NPHP4: variants seen among roughly 807,000 people sequenced by gnomAD.
NPHP4 encodes the protein nephrocystin 4.
Under a neutral mutation model 155.8 loss-of-function variants are expected in NPHP4, and 151 were observed. The ratio of observed to expected loss-of-function variants is 0.97; its 90% CI spans 0.85 to 1.11. The LOEUF is 1.11. Among genes scored for constraint, NPHP4 ranks in the 50% least tolerant of loss-of-function variants. The pLI is 0.00. For missense variants in NPHP4, 1,956 were observed against 1,925.7 expected (o/e 1.02, Z -0.29); for synonymous variants, 845 against 816.8 (o/e 1.03, Z -0.59).
In NPHP4 at chr1:5,865,097, C is replaced by G; in HGVS notation, c.3816+5G>C. 6.2e-7 allele frequency: 1 copy of G among 1,613,184 alleles called. No individual in the cohort carries two copies. The highest frequency in any genetic ancestry group is 1.1e-5 in the South Asian group (1 of 91,034). ...GGCTCAGAACAGCCCCCAGAGAGGCCGTACCTTCAGCTCCTGGGGATGAGA... is the reference window on the plus strand; with the variant it reads ...GGCTCAGAACAGCCCCCAGAGAGGCGGTACCTTCAGCTCCTGGGGATGAGA... On this transcript the variant is annotated splice_donor_5th_base_variant and intron_variant, in intron 27 of 29. Transcript: ENST00000378156.
At chr1:5,973,020 G>T (rs1570709164) in intron 3 of NPHP4, among the ~76,000 whole-genome samples, 1 of 152,166 alleles carries the variant, frequency 6.6e-6, no homozygotes, top group East Asian at 1.9e-4. Context: ...AAGTAGCTGG[G>T]ATTACGCGTG....
At position 5,901,046 on chromosome 1, in the gene NPHP4, A is replaced by C. The variant is rs187581687; in HGVS notation, c.2143+3571T>G. On this transcript the variant is annotated intron_variant, in intron 16 of 29. Transcript: ENST00000378156. ...TAAGATCCTGTCTCAAATAAAACCC[A>C]AAAAAAAACAAAAAAGAATATGTCA... Among the ~76,000 whole-genome samples, 579 of 150,114 alleles carry C rather than the reference A, an allele frequency of 3.9e-3. 1 individual carries two copies. The highest frequency in any genetic ancestry group is 0.013 in the African/African-American group (529 of 40,880).
chr1:5,863,441 C>CG (rs1640846981), intron 29 of NPHP4, 36 bp from the exon 30 acceptor site: 10 of 1,607,880 alleles, frequency 6.2e-6, no homozygotes, highest in Non-Finnish European at 8.5e-6. Flanking sequence ...CATCCACCCC[C>CG]GGGCTGTCCC....
chr1:5,925,258 A>G (rs1645938646), intron 11 of NPHP4, among the ~76,000 whole-genome samples: 1 of 152,196 alleles, frequency 6.6e-6, no homozygotes. Flanking sequence ...ATTATTCCCT[A>G]AACAGTACAA....
At chr1:5,932,758 C>T (rs751573281) in intron 10 of NPHP4, among the ~76,000 whole-genome samples, 72 of 152,128 alleles carry the variant, frequency 4.7e-4, no homozygotes, top group Non-Finnish European at 9.1e-4. Context: ...CAAAGATAAG[C>T]CAGGGCTAGA....
intron 11 of NPHP4, among the ~76,000 whole-genome samples, chr1:5,925,117 A>G (rs1425893722): frequency 1.3e-5 from 2 of 152,252 alleles, no homozygotes; most frequent in Non-Finnish European, 2.9e-5. Context: ...TAACTTAATC[A>G]AAAATCAGAG....
chr1:5,988,168 G>A (rs929623565), intron 1 of NPHP4, among the ~76,000 whole-genome samples: 2 of 152,226 alleles, frequency 1.3e-5, no homozygotes, highest in African/African-American at 2.4e-5. Flanking sequence ...GTCAGAGCAC[G>A]AAGAGTTCAT....
At chr1:5,915,320 G>A (rs1357232906) in intron 11 of NPHP4, among the ~76,000 whole-genome samples, 1 of 152,182 alleles carries the variant, frequency 6.6e-6, no homozygotes, top group Admixed American at 6.5e-5. Context: ...TAAAGATGCA[G>A]TCTCTGGGGT....
Position 5,867,568 on chromosome 1 carries a change from A to G in NPHP4, c.3472+172T>C. 1.5e-6 allele frequency: 1 copy of G among 686,182 alleles called. No homozygotes were observed. Among genetic ancestry groups the G allele is most frequent in the Non-Finnish European group, 2.4e-6 (1 of 415,068 alleles). 42.5% of individuals were successfully genotyped at this position (686,182 alleles called of 1,614,324 possible). ...ACCTAGTCATCTCAGAGGTGGCAAG[A>G]GGGACACCGTTTCAAACCATAAAGG... is the stretch of plus-strand genomic sequence containing the variant. On this transcript the variant is annotated intron_variant, in intron 24 of 29. Transcript: ENST00000378156. The surrounding 1 kb of genome is among the most constrained non-coding windows in gnomAD (Gnocchi z 4.1).
chr1:5,972,395 G>A (rs1652740786), intron 3 of NPHP4, among the ~76,000 whole-genome samples: 1 of 152,210 alleles, frequency 6.6e-6, no homozygotes, highest in Non-Finnish European at 1.5e-5. Context: ...GACAGGGACA[G>A]GGACAGCCCC....
At chr1:5,883,774 C>A (rs1643522917) in intron 18 of NPHP4, among the ~76,000 whole-genome samples, 1 of 152,226 alleles carries the variant, frequency 6.6e-6, no homozygotes, top group Non-Finnish European at 1.5e-5. Flanking sequence ...TCTGGTCCAC[C>A]CACATCTGAC....
chr1:5,898,236 C>T (rs962476447), intron 16 of NPHP4, among the ~76,000 whole-genome samples: 9 of 152,298 alleles, frequency 5.9e-5, no homozygotes, highest in African/African-American at 2.2e-4. Flanking sequence ...AAGCAAAAGG[C>T]CAGGACAGGA....
In NPHP4 at chr1:5,944,637, T is replaced by C. The variant is rs1022649273; in HGVS notation, c.1119+2467A>G. On this transcript the variant is annotated intron_variant, in intron 9 of 29. Coordinates refer to ENST00000378156, the MANE Select transcript of NPHP4 (RefSeq NM_015102.5). This position sits in a 1 kb window ranked among gnomAD's most constrained non-coding sequence, Gnocchi z 4.3. ...CGCACTTGATGACAGTAAAGTGGAA[T>C]CCAGTATTCCCAGTTACAATCGACC... Among the ~76,000 whole-genome samples, 7 of 152,262 alleles carry C rather than the reference T, an allele frequency of 4.6e-5. No individual in the cohort carries two copies. The highest frequency in any genetic ancestry group is 3.9e-4 in the Admixed American group (6 of 15,304).
rs186063624 is a variant in NPHP4, at chr1:5,987,999, A to G, written c.-38-1672T>C. ...CTTTCCTGATGAGAGGGGCAGTGAT[A>G]TAACGTGATCTTCTAAGGTTACACC... On this transcript the variant is annotated intron_variant, in intron 1 of 29. Transcript: ENST00000378156. Among the ~76,000 whole-genome samples, 4 of 152,368 alleles carry G rather than the reference A, an allele frequency of 2.6e-5. No individual in the cohort carries two copies. The East Asian group carries it at 7.7e-4, about 29-fold the overall frequency.
intron 5 of NPHP4, among the ~76,000 whole-genome samples, chr1:5,966,203 T>C (rs1478260338): frequency 6.6e-6 from 1 of 152,132 alleles, no homozygotes; most frequent in African/African-American, 2.4e-5. Context: ...TATCACGAGA[T>C]TGTCACCAAG....
intron 9 of NPHP4, among the ~76,000 whole-genome samples, chr1:5,946,184 C>A (rs1647087842): frequency 6.6e-6 from 1 of 152,088 alleles, no homozygotes; most frequent in South Asian, 2.1e-4. Flanking sequence ...GGAACAAACG[C>A]CCCATGGAAA....
rs1375115597 is a variant in NPHP4 at position 5,932,023 on chromosome 1, A to G, written c.1302+1124T>C. Among the ~76,000 whole-genome samples the G allele has an allele frequency of 3.3e-5, 5 of 152,174 alleles. No individual in the cohort carries two copies. The East Asian group carries it at 9.7e-4, about 29-fold the overall frequency. On this transcript the variant is annotated intron_variant, in intron 10 of 29. Transcript: ENST00000378156. ...TAGGAGTTCAAGGCTGCAGTGAACT[A>G]TGATCGTGCCACGCACTCCAGCCAG...
intron 18 of NPHP4, chr1:5,881,153 G>C (rs1643245205): frequency 6.6e-6 from 1 of 152,262 alleles, no homozygotes; most frequent in South Asian, 2.1e-4. Context: ...ACACTGGCCA[G>C]GTCCCTCCTT....
intron 19 of NPHP4, chr1:5,879,325 C>T (rs1487873692): frequency 5.8e-6 from 2 of 342,748 alleles, no homozygotes; most frequent in South Asian, 2.3e-5. Context: ...GTACTTTATA[C>T]TCAGGTCTGT....
Sources: allele counts gnomAD v4.1 joint callset (sites outside exome capture counted in the v4.1 genomes callset), GRCh38; gene constraint gnomAD v4.1.1; non-coding constraint Gnocchi (gnomAD v3.1); transcripts MANE v1.5; gene names NCBI Gene and HGNC (gene_info 2026-07-23, HGNC 2026-07-21).